Variants in SPHK2 observed in about 807,000 individuals in gnomAD.
SPHK2 encodes the protein sphingosine kinase 2.
SPHK2 carries 18 observed loss-of-function variants against 32.3 expected under a neutral mutation model. That is an observed-to-expected ratio of 0.56 (90% confidence interval 0.39 to 0.83). SPHK2 has a LOEUF of 0.83. SPHK2 is among the 40% of genes least tolerant of loss of function. The pLI, the probability that SPHK2 is intolerant of heterozygous loss-of-function variation, is 0.00. For synonymous variants in SPHK2, 462 were observed against 417.6 expected (o/e 1.11, Z -1.30); for missense variants, 850 against 908.7 (o/e 0.94, Z 0.83).
At chr19:48,624,530 G>A (rs1288290079) in intron 2 of SPHK2, 1 of 152,444 alleles carries the variant, frequency 6.6e-6, no homozygotes, top group Non-Finnish European at 1.5e-5. Context: ...ACCGGGGTGG[G>A]AGATGGAAAT....
At chr19:48,620,051 G>A (rs935066911) in intron 1 of SPHK2, among the ~76,000 whole-genome samples, 1 of 152,086 alleles carries the variant, frequency 6.6e-6, no homozygotes, top group Non-Finnish European at 1.5e-5. Context: ...TGTGATCTTG[G>A]GAAAATCACT....
In SPHK2 at chr19:48,620,290, C is replaced by T. The variant is rs927631558; in HGVS notation, c.-113-112C>T. On this transcript the variant is annotated intron_variant, in intron 1 of 6. Coordinates refer to ENST00000245222, the MANE Select transcript of SPHK2 (RefSeq NM_020126.5). ...TGATTAAAATGACTTATCTACTCTTCCCCCCACCCGCCAGGGAGGCCCCTG... is the reference window on the plus strand; with the variant it reads ...TGATTAAAATGACTTATCTACTCTTTCCCCCACCCGCCAGGGAGGCCCCTG... The T allele has an allele frequency of 6.9e-5, 36 of 520,962 alleles. No homozygotes were observed. The East Asian group carries it at 9.7e-4, about 14-fold the overall frequency. 32.3% of individuals were successfully genotyped at this position (520,962 alleles called of 1,614,324 possible).
At chr19:48,620,036 C>G (rs184250558) in intron 1 of SPHK2, among the ~76,000 whole-genome samples, 84 of 152,244 alleles carry the variant, frequency 5.5e-4, no homozygotes, top group African/African-American at 1.9e-3. Context: ...GTCATTTAAC[C>G]TCTCTGTGAT....
Position 48,627,822 on chromosome 19 carries a change from C to T in SPHK2, c.642C>T (p.Ser214=). ...VLPMISEAGL[S]FNLIQTERQN... ...CCATGATCTCTGAAGCTGGGCTGTC[C>T]TTCAACCTCATCCAGACAGGTAAGG... Residue 214 remains serine, a synonymous_variant, in exon 4 of 7, where the codon TCC becomes TCT. Transcript: ENST00000245222. 1.9e-6 allele frequency: 3 copies of T among 1,612,746 alleles called. No homozygotes were observed. Among genetic ancestry groups the T allele is most frequent in the Non-Finnish European group, 2.5e-6 (3 of 1,179,306 alleles).
rs763891934 is a variant in SPHK2, at chr19:48,620,559, G to C, written c.39+6G>C. 1.2e-5 allele frequency: 20 copies of C among 1,610,992 alleles called. No individual in the cohort carries two copies. Among genetic ancestry groups the C allele is most frequent in the Non-Finnish European group, 1.6e-5 (19 of 1,178,072 alleles). ...CAGAGGAGCAGCAGGACCAGGTAAG[G>C]GACCATCTAAAAGCCAAGATCCTCA... is the stretch of plus-strand genomic sequence containing the variant. On this transcript the variant is annotated splice_donor_region_variant and intron_variant, in intron 2 of 6. Transcript: ENST00000245222.
rs2030043635 is a variant in SPHK2, at chr19:48,627,709, C to A, written c.529C>A (p.Leu177Ile). Residue 177 changes from leucine to isoleucine, a missense_variant, in exon 4 of 7, where the codon CTA becomes ATA. Leu to Ile is a conservative substitution (Grantham distance 5). This residue lies in a region of SPHK2 where 544 missense variants were observed against 640.0 expected (regional missense o/e 0.85). Coordinates refer to ENST00000245222, the MANE Select transcript of SPHK2 (RefSeq NM_020126.5). ...PGDGEITPDL[L>I]PRPPRLLLLV... Reference sequence around the variant, plus strand: ...CTCCACAGAGATCACCCCTGACCTGCTACCTCGGCCGCCCCGGTTGCTTCT... The same window carrying A: ...CTCCACAGAGATCACCCCTGACCTGATACCTCGGCCGCCCCGGTTGCTTCT... The A allele has an allele frequency of 6.2e-7, 1 of 1,602,614 alleles. No individual in the cohort carries two copies. The highest frequency in any genetic ancestry group is 1.3e-5 in the African/African-American group (1 of 74,870).
At chr19:48,620,005 A>G (rs1974337605) in intron 1 of SPHK2, among the ~76,000 whole-genome samples, 1 of 152,130 alleles carries the variant, frequency 6.6e-6, no homozygotes, top group African/African-American at 2.4e-5. Flanking sequence ...TCTGCTAGTT[A>G]CTAATGGGGT....
At chr19:48,622,267 A>AAT (rs1974437108) in intron 2 of SPHK2, among the ~76,000 whole-genome samples, 12 of 146,544 alleles carry the variant, frequency 8.2e-5, no homozygotes, top group African/African-American at 2.9e-4. Flanking sequence ...TCAAAAAAAA[A>AAT]AAAAATAAAA....
chr19:48,622,885 C>T (rs1408661317), intron 2 of SPHK2, among the ~76,000 whole-genome samples: 3 of 150,740 alleles, frequency 2.0e-5, no homozygotes, highest in Non-Finnish European at 1.5e-5. Flanking sequence ...CTGCCTCAGC[C>T]TCCTGAGTAG....
At position 48,629,133 on chromosome 19, in the gene SPHK2, C is replaced by A; in HGVS notation, c.1325C>A (p.Pro442His). The change falls in exon 7 of 7, where the codon CCC (proline) becomes CAC (histidine). Residue 442 changes from proline (P) to histidine (H), a missense_variant. Pro to His is a moderately conservative substitution (Grantham distance 77). This residue lies in a region of SPHK2 where 544 missense variants were observed against 640.0 expected (regional missense o/e 0.85). Coordinates refer to ENST00000245222, the MANE Select transcript of SPHK2 (RefSeq NM_020126.5). ...TCTCCTGGCTCGCCAGAACCCCTGC[C>A]CATCCTGTCCCTCAACGGTGGGGGC... ...LASPGSPEPL[P>H]ILSLNGGGPE... 1 of 1,613,482 alleles carries A rather than the reference C, an allele frequency of 6.2e-7. No individual in the cohort carries two copies. Among genetic ancestry groups the A allele is most frequent in the South Asian group, 1.1e-5 (1 of 91,088 alleles).
chr19:48,621,495 T>C (rs981441065), intron 2 of SPHK2, among the ~76,000 whole-genome samples: 10 of 152,338 alleles, frequency 6.6e-5, no homozygotes, highest in African/African-American at 2.4e-4. Context: ...CTTACAGGCA[T>C]GAGCCACCGC....
Position 48,626,186 on chromosome 19 carries a change from C to T in SPHK2, c.335C>T (p.Ala112Val), listed in dbSNP as rs377113807. 8.4e-5 allele frequency: 133 copies of T among 1,592,568 alleles called. No individual in the cohort carries two copies. Among genetic ancestry groups the T allele is most frequent in the Non-Finnish European group, 1.1e-4 (124 of 1,171,438 alleles). The change falls in exon 3 of 7, where the codon GCG becomes GTG. Residue 112 changes from alanine (A) to valine (V), a missense_variant. Physicochemically the swap from Ala to Val is moderately conservative, Grantham distance 64 (BLOSUM62 0). Coordinates refer to ENST00000245222, the MANE Select transcript of SPHK2 (RefSeq NM_020126.5). ...TLRSRSPSDS[A>V]AYFCIYTYPR... Reference sequence around the variant, plus strand: ...CGAAGCCGCAGCCCCTCAGACTCAGCGGCCTACTTCTGCATCTACACCTAC... The same window carrying T: ...CGAAGCCGCAGCCCCTCAGACTCAGTGGCCTACTTCTGCATCTACACCTAC...
chr19:48,622,905 C>G (rs1392353131), intron 2 of SPHK2, among the ~76,000 whole-genome samples: 2 of 150,574 alleles, frequency 1.3e-5, no homozygotes, highest in Non-Finnish European at 3.0e-5. Flanking sequence ...GCTGGGATTA[C>G]AGGTGCGTGC....
Position 48,629,885 on chromosome 19 carries a change from C to CCCGT in SPHK2, c.*114_*117dup, listed in dbSNP as rs2030443740. ...GAGTTGTGGTGGCAGGGGCCCTGGC[C>CCCGT]CCGTCTCAGGATTGCGCTCGCTTTC... On this transcript the variant is annotated 3_prime_UTR_variant, in exon 7 of 7. Coordinates refer to ENST00000245222, the MANE Select transcript of SPHK2 (RefSeq NM_020126.5). The CCCGT allele has an allele frequency of 6.9e-7, 1 of 1,452,092 alleles. No individual in the cohort carries two copies. Among genetic ancestry groups the CCCGT allele is most frequent in the Non-Finnish European group, 9.1e-7 (1 of 1,103,158 alleles). The allele number at this position is 1,452,092 out of a possible 1,614,324, so 90.0% of individuals were successfully genotyped here. A position where few individuals can be genotyped will look rare whatever the true frequency, so the allele number is the denominator to read the frequency against.
Position 48,628,665 on chromosome 19 carries a change from A to G in SPHK2, c.873-16A>G, listed in dbSNP as rs749532324. On this transcript the variant is annotated splice_polypyrimidine_tract_variant and intron_variant, in intron 6 of 6. Transcript: ENST00000245222. This position sits in a 1 kb window ranked among gnomAD's most constrained non-coding sequence, Gnocchi z 5.2. ...GCTCCTTCCTTCTGTGTGTCCGTCC[A>G]TCTCCGGCTGTGAAGATTTGAGCCA... 9 of 1,606,430 alleles carry G rather than the reference A, an allele frequency of 5.6e-6. No homozygotes were observed. Among genetic ancestry groups the G allele is most frequent in the African/African-American group, 2.7e-5 (2 of 74,828 alleles).
At chr19:48,623,840 GT>G (rs1435651447) in intron 2 of SPHK2, 8 of 152,298 alleles carry the variant, frequency 5.3e-5, no homozygotes, top group African/African-American at 1.9e-4. Flanking sequence ...CAATCCCACT[GT>G]TTTGGTCTCT....
chr19:48,629,002 G>T lies in SPHK2; in HGVS notation c.1194G>T (p.Lys398Asn). 6.2e-7 allele frequency: 1 copy of T among 1,613,544 alleles called. No individual in the cohort carries two copies. The highest frequency in any genetic ancestry group is 1.1e-5 in the South Asian group (1 of 91,080). Residue 398 changes from lysine to asparagine, a missense_variant, in exon 7 of 7, where the codon AAG becomes AAT. Physicochemically the swap from Lys to Asn is moderately conservative, Grantham distance 94. Coordinates refer to ENST00000245222, the MANE Select transcript of SPHK2 (RefSeq NM_020126.5). ...PTPAHSLPRA[K>N]SELTLTPDPA... ...CTGCCCATAGCCTGCCTCGTGCCAA[G>T]TCGGAGCTGACCCTAACCCCAGACC...
chr19:48,622,767 T>TG (rs1568428887), intron 2 of SPHK2, among the ~76,000 whole-genome samples: 1 of 138,024 alleles, frequency 7.2e-6, no homozygotes, highest in African/African-American at 2.9e-5. Context: ...CTTTTTTTTT[T>TG]TTTTTTTTTT....
intron 2 of SPHK2, among the ~76,000 whole-genome samples, chr19:48,622,958 G>GT (rs1974463297): frequency 6.6e-6 from 1 of 150,978 alleles, no homozygotes; most frequent in Admixed American, 6.6e-5. Context: ...AGAGATGGGG[G>GT]TTTTGGACCA....
Sources: gnomAD v4.1 joint callset for allele counts (sites outside exome capture counted in the v4.1 genomes callset) on GRCh38, gnomAD v4.1.1 for gene constraint, gnomAD v4.1.1 regional missense constraint, Gnocchi (gnomAD v3.1) non-coding constraint, MANE v1.5 for transcripts, NCBI Gene and HGNC (gene_info 2026-07-23, HGNC 2026-07-21) for gene names.